The following GRHL2 variants were observed in gnomAD, a reference collection of about 807,000 sequenced individuals.
GRHL2 encodes the protein grainyhead like transcription factor 2.
A neutral mutation model predicts 83.8 loss-of-function variants in GRHL2; 21 were observed. The observed-to-expected ratio is 0.25, with a 90% CI of 0.18 to 0.36. The LOEUF is 0.36. Ranked by LOEUF, GRHL2 falls within the 10% of genes least tolerant of loss-of-function variation. The pLI, the probability that GRHL2 is intolerant of heterozygous loss-of-function variation, is 1.00. For synonymous variants in GRHL2, 280 were observed against 278.9 expected, an observed-to-expected ratio of 1.00 and a Z score of -0.04; for missense variants, 623 against 781.8, an observed-to-expected ratio of 0.80 and a Z score of 2.42.
chr8:101,578,900 G>A (rs1318577279), intron 7 of GRHL2, among the ~76,000 whole-genome samples: 1 of 152,164 alleles, frequency 6.6e-6, no homozygotes, highest in Non-Finnish European at 1.5e-5. Context: ...GGTTTTTCTT[G>A]CAAAATAGTT....
chr8:101,632,158 G>T, intron 10 of GRHL2, 68 bp from the exon 11 acceptor site: 1 of 1,560,670 alleles, frequency 6.4e-7, no homozygotes, highest in East Asian at 2.2e-5. Flanking sequence ...TGGACTTTAG[G>T]ACTTACAGTT....
intron 7 of GRHL2, among the ~76,000 whole-genome samples, chr8:101,582,240 A>AC (rs1315804515): frequency 2.0e-5 from 3 of 151,666 alleles, no homozygotes; most frequent in African/African-American, 7.3e-5. Flanking sequence ...TCCGTCTCAA[A>AC]AAAAAAAAAA....
At chr8:101,591,339 A>G (rs942449824) in intron 7 of GRHL2, among the ~76,000 whole-genome samples, 1 of 152,164 alleles carries the variant, frequency 6.6e-6, no homozygotes. Flanking sequence ...TAGAAAGGCT[A>G]ACTTTGGAAT....
downstream of GRHL2, among the ~76,000 whole-genome samples, chr8:101,671,626 C>CA (rs1463410365): frequency 6.6e-6 from 1 of 152,188 alleles, no homozygotes; most frequent in Non-Finnish European, 1.5e-5. Flanking sequence ...CACAGACAAA[C>CA]AAAAAGACAG....
chr8:101,494,974 C>G (rs1810065501), intron 1 of GRHL2, among the ~76,000 whole-genome samples: 1 of 152,216 alleles, frequency 6.6e-6, no homozygotes, highest in East Asian at 1.9e-4. Flanking sequence ...GTTTGTTTCT[C>G]TCTCATTGGG....
chr8:101,560,537 T>C (rs1358866033), intron 4 of GRHL2, among the ~76,000 whole-genome samples: 1 of 152,216 alleles, frequency 6.6e-6, no homozygotes, highest in East Asian at 1.9e-4. Flanking sequence ...GAGCTGGAAT[T>C]GCTAGGCCAT....
chr8:101,664,391 C>A lies in GRHL2; in HGVS notation c.1699-63C>A, dbSNP rs1230682730. On this transcript the variant is annotated intron_variant, in intron 14 of 15. Coordinates refer to ENST00000646743, the MANE Select transcript of GRHL2 (RefSeq NM_024915.4). Reference sequence around the variant, plus strand: ...TCCAAGGGAGTGAAACTGGAACTTTCCCCCTTGCCTCCAGTTGGGCGTCCT... The same window carrying A: ...TCCAAGGGAGTGAAACTGGAACTTTACCCCTTGCCTCCAGTTGGGCGTCCT... 11 of 1,207,334 alleles carry A rather than the reference C, an allele frequency of 9.1e-6. No individual in the cohort carries two copies. In the East Asian group the frequency reaches 1.9e-4, roughly 20 times the overall value. 74.8% of individuals were successfully genotyped at this position (1,207,334 alleles called of 1,614,324 possible).
rs368611587 is a variant in GRHL2, at chr8:101,541,502, G to A, written c.21-1739G>A. ...CATATGTTGGTTCTTGGCAAAAAGGGACCTCTTTTATGACTGCATGATCAT... is the reference window on the plus strand; with the variant it reads ...CATATGTTGGTTCTTGGCAAAAAGGAACCTCTTTTATGACTGCATGATCAT... On this transcript the variant is annotated intron_variant, in intron 1 of 15. Transcript: ENST00000646743. Among the ~76,000 whole-genome samples the A allele has an allele frequency of 1.1e-4, 17 of 152,004 alleles. No homozygotes were observed. The East Asian group carries it at 3.1e-3, about 28-fold the overall frequency.
intron 1 of GRHL2, among the ~76,000 whole-genome samples, chr8:101,536,910 C>T (rs966770778): frequency 1.3e-5 from 2 of 152,022 alleles, no homozygotes; most frequent in Admixed American, 1.3e-4. Context: ...TTTTTATGCT[C>T]CTCTTCCTCC....
chr8:101,678,414 C>T, the GRHL2 span, among the ~76,000 whole-genome samples: 9 of 152,100 alleles, frequency 5.9e-5, no homozygotes, highest in Admixed American at 5.9e-4. Context: ...ATATCCCGCA[C>T]CTGGCTCGGA....
At chr8:101,493,952 G>T (rs1810036194) in intron 1 of GRHL2, among the ~76,000 whole-genome samples, 1 of 152,110 alleles carries the variant, frequency 6.6e-6, no homozygotes, top group Admixed American at 6.5e-5. Context: ...GGAGCCGGAG[G>T]TGGGTCCCGC....
At chr8:101,627,110 T>A (rs1196763457) in intron 9 of GRHL2, among the ~76,000 whole-genome samples, 1 of 152,050 alleles carries the variant, frequency 6.6e-6, no homozygotes, top group African/African-American at 2.4e-5. Flanking sequence ...GCCTGAAAAA[T>A]AAGCAAGTGA....
intron 12 of GRHL2, 152 bp downstream of exon 12, chr8:101,637,080 C>A: frequency 1.3e-6 from 1 of 789,590 alleles, no homozygotes; most frequent in Non-Finnish European, 2.3e-6. Context: ...TGGGGACCAT[C>A]TGGGAGGGAG....
intron 3 of GRHL2, among the ~76,000 whole-genome samples, chr8:101,557,939 A>C (rs995681347): frequency 1.3e-4 from 20 of 152,216 alleles, no homozygotes; most frequent in Non-Finnish European, 2.8e-4. Flanking sequence ...ATCTCGACTC[A>C]CCACAACCTC....
chr8:101,584,860 C>T (rs1246768200), intron 7 of GRHL2, among the ~76,000 whole-genome samples: 3 of 151,136 alleles, frequency 2.0e-5, no homozygotes, highest in Non-Finnish European at 4.4e-5. Flanking sequence ...GTCAAATGGC[C>T]AGGTGGTCAG....
At chr8:101,677,198 AAC>A in the GRHL2 span, among the ~76,000 whole-genome samples, 2 of 146,620 alleles carry the variant, frequency 1.4e-5, no homozygotes, top group Non-Finnish European at 3.0e-5. Flanking sequence ...TGTACCCTAA[AAC>A]TTAAATAATA....
At chr8:101,599,734 T>A (rs1298981688) in intron 8 of GRHL2, among the ~76,000 whole-genome samples, 1 of 152,202 alleles carries the variant, frequency 6.6e-6, no homozygotes, top group East Asian at 1.9e-4. Context: ...GTAAAATCTG[T>A]GGCGAAGTGA....
intron 9 of GRHL2, among the ~76,000 whole-genome samples, chr8:101,630,928 A>G (rs1813173917): frequency 1.3e-5 from 2 of 152,194 alleles, no homozygotes; most frequent in African/African-American, 2.4e-5. Context: ...GTGGTGGTCA[A>G]TTGGTTAAGT....
chr8:101,652,099 C>G (rs1309806393), intron 14 of GRHL2, among the ~76,000 whole-genome samples: 1 of 151,962 alleles, frequency 6.6e-6, no homozygotes, highest in Non-Finnish European at 1.5e-5. Context: ...GTAGTTGTAC[C>G]CTAAGTTTAT....
Sources: gnomAD v4.1 joint callset for allele counts (sites outside exome capture counted in the v4.1 genomes callset) on GRCh38, gnomAD v4.1.1 for gene constraint, MANE v1.5 for transcripts, NCBI Gene and HGNC (gene_info 2026-07-23, HGNC 2026-07-21) for gene names.